The following ZNF808 variants were observed in gnomAD, a reference collection of about 807,000 sequenced individuals.
ZNF808 encodes the protein zinc finger protein 808.
A neutral mutation model predicts 8.7 loss-of-function variants in ZNF808; 5 were observed. The observed-to-expected ratio is 0.58, with a 90% CI of 0.30 to 1.21. The LOEUF is 1.21. Ranked by LOEUF, ZNF808 falls within the 50% of genes most tolerant of loss-of-function variation. The probability of loss-of-function intolerance (pLI) is 0.07; values close to 1 mark genes in which losing one functional copy is unlikely to be tolerated. For synonymous variants in ZNF808, 380 were observed against 366.0 expected (o/e 1.04, Z -0.44); for missense variants, 1,103 against 1,098.4 (o/e 1.00, Z -0.06).
intron 1 of ZNF808, among the ~76,000 whole-genome samples, chr19:52,532,047 G>A (rs439618): frequency 0.32 from 48,354 of 151,850 alleles, 8,430 homozygotes; most frequent in East Asian, 0.5. Context: ...CTTATTATTT[G>A]CTTGCTGGTT....
intron 2 of ZNF808, among the ~76,000 whole-genome samples, chr19:52,542,392 G>T (rs973544208): frequency 6.6e-6 from 1 of 152,046 alleles, no homozygotes; most frequent in Non-Finnish European, 1.5e-5. Flanking sequence ...CTTTTCCTGG[G>T]GCTGAGGTTG....
downstream of ZNF808, among the ~76,000 whole-genome samples, chr19:52,559,908 G>A (rs2123224081): frequency 6.6e-6 from 1 of 152,258 alleles, no homozygotes; most frequent in African/African-American, 2.4e-5. Context: ...GATGTGATGT[G>A]TGTGCATGAA....
chr19:52,535,330 CAAAAAAAA>C (rs560559835), intron 2 of ZNF808, among the ~76,000 whole-genome samples: 23 of 70,134 alleles, frequency 3.3e-4, no homozygotes, highest in Middle Eastern at 0.012. Context: ...GACTCCGTCT[CAAAAAAAA>C]AAAAAAAAAA....
chr19:52,541,182 C>T (rs2059666609), intron 2 of ZNF808, among the ~76,000 whole-genome samples: 1 of 150,992 alleles, frequency 6.6e-6, no homozygotes, highest in Admixed American at 6.6e-5. Flanking sequence ...GAACTCCTGA[C>T]TTTGTGATCT....
intron 2 of ZNF808, among the ~76,000 whole-genome samples, chr19:52,539,547 GGT>G (rs1491415576): frequency 1.4e-4 from 10 of 73,364 alleles, no homozygotes; most frequent in African/African-American, 5.9e-4. Flanking sequence ...TTGTTGTGGT[GGT>G]TTTTTTTTTT....
downstream of ZNF808, among the ~76,000 whole-genome samples, chr19:52,566,960 T>TTTG (rs1056063984): frequency 2.0e-5 from 3 of 151,460 alleles, no homozygotes; most frequent in African/African-American, 4.8e-5. Context: ...GATAGGTGTT[T>TTTG]TTTTTTTTTT....
chr19:52,542,369 A>G (rs1599984731), intron 2 of ZNF808, among the ~76,000 whole-genome samples: 1 of 152,006 alleles, frequency 6.6e-6, no homozygotes, highest in South Asian at 2.1e-4. Flanking sequence ...CTCCAGCCCC[A>G]CGGGTCGCTT....
downstream of ZNF808, among the ~76,000 whole-genome samples, chr19:52,568,491 G>A (rs541616251): frequency 4.0e-4 from 61 of 152,298 alleles, no homozygotes; most frequent in African/African-American, 1.4e-3. Context: ...AAGACCTCCT[G>A]GCATCATTGT....
chr19:52,537,178 C>T (rs572633325), intron 2 of ZNF808, among the ~76,000 whole-genome samples: 10 of 124,782 alleles, frequency 8.0e-5, no homozygotes, highest in African/African-American at 2.7e-4. Context: ...AAGAGTGAAA[C>T]TCTTTCTCAA....
chr19:52,546,553 G>A (rs111898027), intron 3 of ZNF808, among the ~76,000 whole-genome samples: 8 of 151,784 alleles, frequency 5.3e-5, no homozygotes, highest in African/African-American at 1.5e-4. Context: ...CTGAAACACC[G>A]CTTGTATCTT....
At position 52,555,214 on chromosome 19, in the gene ZNF808, C is replaced by A. The variant is rs370493193; in HGVS notation, c.2298C>A (p.Asn766Lys). 8 of 1,613,124 alleles carry A rather than the reference C, an allele frequency of 5.0e-6. No homozygotes were observed. The highest frequency in any genetic ancestry group is 6.8e-6 in the Non-Finnish European group (8 of 1,179,776). ...LHSGEKPYKC[N>K]DCGNTFRHWS... ...GTGGTGAGAAACCTTACAAGTGTAA[C>A]GACTGTGGCAATACCTTCCGTCACT... The change falls in exon 5 of 5, where the codon AAC becomes AAA. Residue 766 changes from asparagine (N) to lysine (K), a missense_variant. By Grantham distance (94) the Asn-to-Lys change is moderately conservative. Transcript: ENST00000359798.
At chr19:52,534,834 A>C (rs1196986363) in intron 2 of ZNF808, among the ~76,000 whole-genome samples, 2 of 152,186 alleles carry the variant, frequency 1.3e-5, no homozygotes, top group Admixed American at 6.5e-5. Context: ...GGCTGCAGTG[A>C]GCCACGATCT....
At chr19:52,534,166 T>C (rs2059584979) in intron 2 of ZNF808, among the ~76,000 whole-genome samples, 1 of 152,068 alleles carries the variant, frequency 6.6e-6, no homozygotes, top group South Asian at 2.1e-4. Context: ...CTACTAAAAA[T>C]AGAGAGAAAT....
chr19:52,533,552 G>A (rs1460038032), intron 2 of ZNF808, among the ~76,000 whole-genome samples: 2 of 151,074 alleles, frequency 1.3e-5, no homozygotes, highest in African/African-American at 4.9e-5. Context: ...AAGAACTTGG[G>A]AGCTCCTTGA....
intron 2 of ZNF808, among the ~76,000 whole-genome samples, chr19:52,534,014 G>A (rs1050746769): frequency 1.3e-5 from 2 of 152,090 alleles, no homozygotes; most frequent in African/African-American, 2.4e-5. Flanking sequence ...CTAGTGGAAT[G>A]CAGGTGCAAC....
At chr19:52,535,362 AAAG>A (rs1409812179) in intron 2 of ZNF808, among the ~76,000 whole-genome samples, 1 of 150,694 alleles carries the variant, frequency 6.6e-6, no homozygotes, top group Non-Finnish European at 1.5e-5. Flanking sequence ...AAAAGAGAGA[AAAG>A]GAAAAGAGCG....
In ZNF808 at chr19:52,553,553, C is replaced by G. The variant is rs764386601; in HGVS notation, c.637C>G (p.Leu213Val). 8.7e-6 allele frequency: 14 copies of G among 1,614,030 alleles called. No homozygotes were observed. The highest frequency in any genetic ancestry group is 1.3e-5 in the African/African-American group (1 of 74,924). The change falls in exon 5 of 5, where the codon CTG (leucine) becomes GTG (valine). Residue 213 changes from leucine to valine, a missense_variant. Coordinates refer to ENST00000359798, the MANE Select transcript of ZNF808 (RefSeq NM_001039886.4). The part of the protein sequence containing the change: ...HISNNYGNNP[L>V]NSSLLPQKQE... The stretch of plus-strand genomic sequence containing the variant: ...TTCTAATAACTATGGGAATAATCCC[C>G]TGAATTCTTCATTACTCCCACAAAA...
chr19:52,557,441 C>T (rs528037506), downstream of ZNF808, among the ~76,000 whole-genome samples: 6 of 151,862 alleles, frequency 4.0e-5, no homozygotes, highest in East Asian at 7.8e-4. Flanking sequence ...TAATTTTTTG[C>T]ATTGTTAGTA....
intron 4 of ZNF808, among the ~76,000 whole-genome samples, chr19:52,551,646 A>T (rs1247093994): frequency 6.6e-6 from 1 of 152,098 alleles, no homozygotes; most frequent in East Asian, 1.9e-4. Flanking sequence ...TTAATTTTAT[A>T]ATTTTACATA....
Sources: allele counts gnomAD v4.1 joint callset (sites outside exome capture counted in the v4.1 genomes callset), GRCh38; gene constraint gnomAD v4.1.1; transcripts MANE v1.5; gene names NCBI Gene and HGNC (gene_info 2026-07-23, HGNC 2026-07-21).